The following C2CD3 variants were observed in gnomAD, a reference collection of about 807,000 sequenced individuals.
C2CD3 encodes the protein C2 domain containing 3 centriole elongation regulator.
A neutral mutation model predicts 234.0 loss-of-function variants in C2CD3; 148 were observed. The observed-to-expected ratio is 0.63, with a 90% CI of 0.55 to 0.72. C2CD3 has a LOEUF of 0.72. C2CD3 is among the 30% of genes least tolerant of loss of function. The probability of loss-of-function intolerance (pLI) is 0.00; values close to 1 mark genes in which losing one functional copy is unlikely to be tolerated. For synonymous variants in C2CD3, 1,000 were observed against 1,035.4 expected (o/e 0.97, Z 0.66); for missense variants, 2,577 against 2,811.5 (o/e 0.92, Z 1.89).
intron 5 of C2CD3, among the ~76,000 whole-genome samples, chr11:74,136,866 T>C (rs1957881262): frequency 1.3e-5 from 2 of 151,722 alleles, no homozygotes; most frequent in African/African-American, 4.9e-5. Flanking sequence ...GGTTGATGGG[T>C]GCAGCAAACA....
In C2CD3 at chr11:74,085,900, G is replaced by T. The variant is rs750457381; in HGVS notation, c.3642-14C>A. 1.9e-5 allele frequency: 30 copies of T among 1,594,196 alleles called. No individual in the cohort carries two copies. The Admixed American group carries it at 4.9e-4, about 26-fold the overall frequency. ...TCAGCCAAAGCCCTGTAGAGGAGAA[G>T]GGTGGAAATGAGAAGATACCATGGT... On this transcript the variant is annotated splice_polypyrimidine_tract_variant and intron_variant, in intron 20 of 32. Coordinates refer to ENST00000334126, the MANE Select transcript of C2CD3 (RefSeq NM_001286577.2).
chr11:74,143,525 TTTTATATA>T (rs1423811692), intron 3 of C2CD3, among the ~76,000 whole-genome samples: 1 of 141,266 alleles, frequency 7.1e-6, no homozygotes, highest in African/African-American at 2.5e-5. Flanking sequence ...GCTAATTTTA[TTTTATATA>T]TTTATATATA....
chr11:74,132,755 G>C, intron 7 of C2CD3, 89 bp downstream of exon 7: 1 of 1,296,682 alleles, frequency 7.7e-7, no homozygotes. Context: ...CTAAGGACAT[G>C]TTACTTTAGG....
intron 16 of C2CD3, among the ~76,000 whole-genome samples, chr11:74,097,703 T>C (rs1290872482): frequency 1.3e-5 from 2 of 152,260 alleles, no homozygotes; most frequent in African/African-American, 2.4e-5. Flanking sequence ...GGCTTACATT[T>C]GGGATCACTC....
intron 31 of C2CD3, among the ~76,000 whole-genome samples, chr11:74,030,566 T>C (rs1223478991): frequency 6.6e-6 from 1 of 152,188 alleles, no homozygotes; most frequent in Non-Finnish European, 1.5e-5. Context: ...TTCTCCCACC[T>C]CCTGACCAGC....
At chr11:74,073,372 C>T (rs534569555) in intron 24 of C2CD3, among the ~76,000 whole-genome samples, 5 of 151,980 alleles carry the variant, frequency 3.3e-5, no homozygotes, top group South Asian at 2.1e-4. Flanking sequence ...GGATCACTTG[C>T]GGTCAGGAGT....
At position 74,084,801 on chromosome 11, in the gene C2CD3, G is replaced by A. The variant is rs535264144; in HGVS notation, c.4000+80C>T. 218 of 843,568 alleles carry A rather than the reference G, an allele frequency of 2.6e-4. 1 individual carries two copies. In the African/African-American group the frequency reaches 3.4e-3, roughly 13 times the overall value. The allele number at this position is 843,568 out of a possible 1,614,324, so 52.3% of individuals were successfully genotyped here. A position where few individuals can be genotyped will look rare whatever the true frequency, so the allele number is the denominator to read the frequency against. The stretch of plus-strand genomic sequence containing the variant: ...GTGTTTTCTTTTGAATATCTTACAT[G>A]AGAGACAGAGAAGATTACCTCTTGT... On this transcript the variant is annotated intron_variant, in intron 22 of 32. Transcript: ENST00000334126.
At chr11:74,136,881 G>A (rs968828712) in intron 5 of C2CD3, among the ~76,000 whole-genome samples, 1 of 151,510 alleles carries the variant, frequency 6.6e-6, no homozygotes, top group Non-Finnish European at 1.5e-5. Context: ...CAAACATCAT[G>A]GCACGTGTAT....
intron 20 of C2CD3, among the ~76,000 whole-genome samples, chr11:74,089,266 A>G (rs751984937): frequency 3.3e-5 from 5 of 152,208 alleles, no homozygotes; most frequent in Non-Finnish European, 7.3e-5. Flanking sequence ...ACATACCCAT[A>G]TAACAAATCT....
chr11:74,156,713 T>TAA (rs1856051412), intron 3 of C2CD3, among the ~76,000 whole-genome samples: 2 of 152,324 alleles, frequency 1.3e-5, no homozygotes, highest in African/African-American at 4.8e-5. Context: ...CTCATGCCTG[T>TAA]AATTCCAGGA....
rs200507221 is a variant in C2CD3, at chr11:74,048,217, G to C, written c.5483C>G (p.Ser1828Cys). 276 of 1,613,290 alleles carry C rather than the reference G, an allele frequency of 1.7e-4. No individual in the cohort carries two copies. Among genetic ancestry groups the C allele is most frequent in the Non-Finnish European group, 1.8e-5 (21 of 1,179,658 alleles). Residue 1828 changes from serine to cysteine, a missense_variant, in exon 28 of 33, where the codon TCC becomes TGC. Coordinates refer to ENST00000334126, the MANE Select transcript of C2CD3 (RefSeq NM_001286577.2). ...AGAATTCACTCACCTCCCAGGAGAG[G>C]AGAAATCAAGCTCCTTTGAGGAGGC... ...AHASSKELDF[S>C]SPGRSDTTRS...
chr11:74,111,140 T>C (rs1956726803), intron 11 of C2CD3, among the ~76,000 whole-genome samples: 1 of 152,226 alleles, frequency 6.6e-6, no homozygotes. Context: ...TGTGATCTCA[T>C]AGAAGCTACT....
intron 3 of C2CD3, among the ~76,000 whole-genome samples, chr11:74,150,512 A>C (rs1363877384): frequency 2.9e-5 from 2 of 67,812 alleles, no homozygotes; most frequent in Non-Finnish European, 5.4e-5. Flanking sequence ...AAAAAAAAAA[A>C]AAACAAAAAA....
intron 16 of C2CD3, among the ~76,000 whole-genome samples, chr11:74,097,552 T>C (rs1451317152): frequency 6.6e-6 from 1 of 152,184 alleles, no homozygotes; most frequent in Non-Finnish European, 1.5e-5. Context: ...GAAATAAACA[T>C]GAGAATGTAT....
intron 5 of C2CD3, among the ~76,000 whole-genome samples, chr11:74,137,030 C>CTTT (rs1166676910): frequency 7.2e-6 from 1 of 138,284 alleles, no homozygotes; most frequent in Admixed American, 7.3e-5. Context: ...TTTCTCTTTG[C>CTTT]TTTTTTTTTT....
At chr11:74,118,100 T>A in intron 9 of C2CD3, 128 bp downstream of exon 9, 1 of 625,338 alleles carries the variant, frequency 1.6e-6, no homozygotes, top group Non-Finnish European at 2.6e-6. Flanking sequence ...AGAATTACAA[T>A]GTTTACTGAG....
rs752241597 is a variant in C2CD3, at chr11:74,137,505, A to G, written c.955+1215T>C. 3.3e-5 allele frequency among the ~76,000 whole-genome samples: 5 copies of G among 151,448 alleles called. No homozygotes were observed. In the South Asian group the frequency reaches 1.0e-3, roughly 31 times the overall value. ...TGTTAATGTAGTCTTTGCATTAAAGACTGAAATTAATAGTTTATAATCTTG... is the reference window on the plus strand; with the variant it reads ...TGTTAATGTAGTCTTTGCATTAAAGGCTGAAATTAATAGTTTATAATCTTG... On this transcript the variant is annotated intron_variant, in intron 5 of 32. Transcript: ENST00000334126.
intron 32 of C2CD3, among the ~76,000 whole-genome samples, chr11:74,027,957 G>A (rs1952371801): frequency 6.6e-6 from 1 of 152,020 alleles, no homozygotes; most frequent in Admixed American, 6.6e-5. Flanking sequence ...TTGCATCTCC[G>A]CTCCTATCTA....
chr11:74,119,262 A>AT (rs1957133648), intron 8 of C2CD3, among the ~76,000 whole-genome samples: 2 of 152,222 alleles, frequency 1.3e-5, no homozygotes, highest in South Asian at 2.1e-4. Flanking sequence ...TCTGCTTTTA[A>AT]TCTTGCTAAA....
Sources: gnomAD v4.1 joint callset for allele counts (sites outside exome capture counted in the v4.1 genomes callset) on GRCh38, gnomAD v4.1.1 for gene constraint, MANE v1.5 for transcripts, NCBI Gene and HGNC (gene_info 2026-07-23, HGNC 2026-07-21) for gene names.